Variants in AFF4 observed in about 807,000 individuals in gnomAD.
AFF4 encodes the protein AF4/FMR2 family member 4.
Under a neutral mutation model 124.8 loss-of-function variants are expected in AFF4, and 13 were observed. That is an observed-to-expected ratio of 0.10 (90% CI 0.07 to 0.17). The LOEUF (loss-of-function observed/expected upper bound fraction) is 0.17, where lower values mean the gene tolerates loss of function less well. AFF4 is among the 10% of genes least tolerant of loss of function. The pLI, the probability that AFF4 is intolerant of heterozygous loss-of-function variation, is 1.00. For missense variants in AFF4, 1,092 were observed against 1,403.8 expected, an observed-to-expected ratio of 0.78 and a Z score of 3.55; for synonymous variants, 477 against 496.1, an observed-to-expected ratio of 0.96 and a Z score of 0.51.
chr5:132,952,784 C>T (rs1021656045), intron 1 of AFF4, among the ~76,000 whole-genome samples: 2 of 152,010 alleles, frequency 1.3e-5, no homozygotes, highest in African/African-American at 4.8e-5. Flanking sequence ...TGTAATTCCA[C>T]CTACTCGAGA....
Position 132,880,429 on chromosome 5 carries a change from T to C in AFF4, c.*630A>G, listed in dbSNP as rs1313991507. The C allele has an allele frequency of 2.5e-6, 1 of 398,258 alleles. No individual in the cohort carries two copies. The highest frequency in any genetic ancestry group is 4.4e-6 in the Non-Finnish European group (1 of 225,846). The allele number at this position is 398,258 out of a possible 1,614,324, so 24.7% of individuals were successfully genotyped here. A position where few individuals can be genotyped will look rare whatever the true frequency, so the allele number is the denominator to read the frequency against. On this transcript the variant is annotated 3_prime_UTR_variant, in exon 21 of 21. Coordinates refer to ENST00000265343, the MANE Select transcript of AFF4 (RefSeq NM_014423.4). ...CATAGTACATACATGTAGAATGCCA[T>C]TTTCTCATATTTAAGTGATTTTTTC...
At chr5:132,919,005 T>C (rs187926348) in intron 5 of AFF4, among the ~76,000 whole-genome samples, 2 of 151,966 alleles carry the variant, frequency 1.3e-5, no homozygotes, top group African/African-American at 2.4e-5. Context: ...CTCAGCCTCC[T>C]GAGTAGCTGG....
intron 1 of AFF4, among the ~76,000 whole-genome samples, chr5:132,956,037 T>C (rs1040030617): frequency 8.6e-5 from 13 of 151,508 alleles, no homozygotes; most frequent in Admixed American, 4.0e-4. Flanking sequence ...TATACTCATA[T>C]GTATTACACA....
rs1223250719 is a variant in AFF4, at chr5:132,878,959, G to A, written c.*2100C>T. ...ATCCAAGTCAGAAAAATCAGAGAAG[G>A]ACAAGACATAACATGTATTTGATTA... On this transcript the variant is annotated 3_prime_UTR_variant, in exon 21 of 21. Transcript: ENST00000265343. 1.8e-5 allele frequency: 4 copies of A among 221,662 alleles called. No homozygotes were observed. The highest frequency in any genetic ancestry group is 3.6e-5 in the Non-Finnish European group (4 of 110,936). The allele number at this position is 221,662 out of a possible 1,614,324, so 13.7% of individuals were successfully genotyped here.
At chr5:132,885,252 G>A (rs1760085499) in intron 18 of AFF4, 133 bp from the exon 19 acceptor site, 2 of 4,490 alleles carry the variant, frequency 4.5e-4, no homozygotes, top group South Asian at 0.012. Flanking sequence ...CAAAATACGT[G>A]TGTGTGTGTG....
chr5:132,942,803 AT>A (rs1165460008), intron 1 of AFF4: 8 of 153,910 alleles, frequency 5.2e-5, no homozygotes, highest in African/African-American at 1.7e-4. Flanking sequence ...ACAAAATACC[AT>A]TTATCACCTG....
chr5:132,921,959 A>AT (rs985429862), intron 5 of AFF4, among the ~76,000 whole-genome samples: 19 of 151,494 alleles, frequency 1.3e-4, no homozygotes, highest in African/African-American at 4.1e-4. Flanking sequence ...TTTTTTTTTA[A>AT]TTTTTTGTGG....
At chr5:132,893,799 C>G (rs1295980653) in intron 11 of AFF4, among the ~76,000 whole-genome samples, 1 of 152,108 alleles carries the variant, frequency 6.6e-6, no homozygotes, top group African/African-American at 2.4e-5. Context: ...AAAATATTTT[C>G]ATTATCCTGA....
chr5:132,887,415 G>T (rs1311184632), intron 17 of AFF4, 106 bp downstream of exon 17: 1 of 1,046,068 alleles, frequency 9.6e-7, no homozygotes, highest in Non-Finnish European at 1.4e-6. Flanking sequence ...ATTTAAGACA[G>T]GATTACAGAA....
At position 132,962,879 on chromosome 5, in the gene AFF4, C is replaced by T. The variant is rs1384424881; in HGVS notation, c.-5+380G>A. ...TCGCGAGAAGGAAAGCGAGAACTAG[C>T]TGGGTAATGTTAGCCAGAATCTGGG... is the stretch of plus-strand genomic sequence containing the variant. On this transcript the variant is annotated intron_variant, in intron 1 of 20. Coordinates refer to ENST00000265343, the MANE Select transcript of AFF4 (RefSeq NM_014423.4). 2.0e-5 allele frequency among the ~76,000 whole-genome samples: 3 copies of T among 149,144 alleles called. No individual in the cohort carries two copies. In the Admixed American group the frequency reaches 2.0e-4, roughly 10 times the overall value.
intron 1 of AFF4, among the ~76,000 whole-genome samples, chr5:132,955,777 CAAAA>C (rs1214913729): frequency 9.8e-5 from 7 of 71,286 alleles, no homozygotes; most frequent in African/African-American, 3.9e-4. Context: ...GATTCCATCT[CAAAA>C]AAAAAAAAAA....
intron 1 of AFF4, among the ~76,000 whole-genome samples, chr5:132,939,334 T>C (rs1761512261): frequency 6.6e-6 from 1 of 152,216 alleles, no homozygotes; most frequent in African/African-American, 2.4e-5. Context: ...TTAAACAGGA[T>C]TTCTTTGGTT....
intron 1 of AFF4, chr5:132,943,677 C>T (rs895506720): frequency 1.2e-5 from 3 of 241,098 alleles, no homozygotes; most frequent in East Asian, 1.9e-4. Flanking sequence ...ACAATGGGGG[C>T]TTCAACATCA....
In AFF4 at chr5:132,917,450, T is replaced by TA. The variant is rs538303297; in HGVS notation, c.1050+9670dup. On this transcript the variant is annotated intron_variant, in intron 5 of 20. Coordinates refer to ENST00000265343, the MANE Select transcript of AFF4 (RefSeq NM_014423.4). ...AGACTGGATACTTTCTCCTCTATGA[T>TA]AAAAAATAAGGCAAGAATGTCTAAT... Among the ~76,000 whole-genome samples, 33 of 152,194 alleles carry TA rather than the reference T, an allele frequency of 2.2e-4. 1 individual carries two copies. Among genetic ancestry groups the TA allele is most frequent in the East Asian group, 1.9e-3 (10 of 5,186 alleles).
At position 132,896,759 on chromosome 5, in the gene AFF4, G is replaced by A; in HGVS notation, c.1871C>T (p.Thr624Ile). 6.2e-7 allele frequency: 1 copy of A among 1,614,124 alleles called. No homozygotes were observed. The highest frequency in any genetic ancestry group is 8.5e-7 in the Non-Finnish European group (1 of 1,180,026). Residue 624 changes from threonine to isoleucine, a missense_variant, in exon 11 of 21, where the codon ACA becomes ATA. Coordinates refer to ENST00000265343, the MANE Select transcript of AFF4 (RefSeq NM_014423.4). ...TGACTTATATTTCTTTTTCTCTGCT[G>A]TAGGTCGAGGGGAAGACTTAGACTC... ...KKESKSSPRP[T>I]AEKKKYKSTS...
intron 1 of AFF4, among the ~76,000 whole-genome samples, chr5:132,962,419 C>G (rs1667030524): frequency 6.6e-6 from 1 of 152,134 alleles, no homozygotes. Context: ...GACAAAACTA[C>G]GAGAACCCTA....
chr5:132,962,054 T>C (rs1762091870), intron 1 of AFF4, among the ~76,000 whole-genome samples: 1 of 152,214 alleles, frequency 6.6e-6, no homozygotes, highest in African/African-American at 2.4e-5. Context: ...CACTTCTTTA[T>C]GCACGTATGA....
intron 1 of AFF4, among the ~76,000 whole-genome samples, chr5:132,945,626 C>T (rs1761679764): frequency 6.6e-6 from 1 of 152,086 alleles, no homozygotes; most frequent in Non-Finnish European, 1.5e-5. Flanking sequence ...GTGGTGGGCA[C>T]CTGTAATCCC....
chr5:132,925,003 T>C (rs759654326), intron 5 of AFF4, among the ~76,000 whole-genome samples: 6 of 151,734 alleles, frequency 4.0e-5, no homozygotes, highest in African/African-American at 7.3e-5. Context: ...GGTGAAACCC[T>C]GTCTCTACTA....
Sources: gnomAD v4.1 joint callset for allele counts (sites outside exome capture counted in the v4.1 genomes callset) on GRCh38, gnomAD v4.1.1 for gene constraint, MANE v1.5 for transcripts, NCBI Gene and HGNC (gene_info 2026-07-23, HGNC 2026-07-21) for gene names.